Variants in TRIM36 observed in about 807,000 individuals in gnomAD.
TRIM36 encodes E3 ubiquitin-protein ligase TRIM36.
A neutral mutation model predicts 72.4 loss-of-function variants in TRIM36; 42 were observed. That is an observed-to-expected ratio of 0.58 (90% CI 0.45 to 0.75). The LOEUF is 0.75. TRIM36 is among the 30% of genes least tolerant of loss of function. The pLI is 0.00. For missense variants in TRIM36, 913 were observed against 857.1 expected (o/e 1.07, Z -0.81); for synonymous variants, 315 against 282.8 (o/e 1.11, Z -1.14).
intron 2 of TRIM36, among the ~76,000 whole-genome samples, chr5:115,152,720 T>TA (rs200296229): frequency 9.4e-4 from 142 of 151,286 alleles, no homozygotes; most frequent in African/African-American, 3.3e-3. Flanking sequence ...TTCAGCCTCC[T>TA]AAAAAAAAAT....
Position 115,137,384 on chromosome 5 carries a change from G to A in TRIM36, c.1064C>T (p.Thr355Ile), listed in dbSNP as rs1304495487. ...ATACCTGAGGTGGAGCTGCTTTGCT[G>A]TCTGCACAAAGCAAGACTGATCTGT... ...KETDQSCFVQ[T>I]AKQLHLRIQK... Residue 355 changes from threonine (T) to isoleucine (I), a missense_variant, in exon 6 of 10, where the codon ACA becomes ATA. Transcript: ENST00000513154. 6.8e-6 allele frequency: 11 copies of A among 1,611,218 alleles called. No homozygotes were observed. The highest frequency in any genetic ancestry group is 9.3e-6 in the Non-Finnish European group (11 of 1,179,280).
chr5:115,158,947 G>A (rs1014765573), intron 2 of TRIM36, among the ~76,000 whole-genome samples: 4 of 152,202 alleles, frequency 2.6e-5, no homozygotes, highest in African/African-American at 4.8e-5. Context: ...AATTTCAGGT[G>A]TTAAGTATTC....
At chr5:115,134,602 A>G (rs755212078) in intron 7 of TRIM36, among the ~76,000 whole-genome samples, 29 of 151,880 alleles carry the variant, frequency 1.9e-4, no homozygotes, top group Admixed American at 2.6e-4. Context: ...GTGCACTGGC[A>G]TGATCTCAGC....
At position 115,134,026 on chromosome 5, in the gene TRIM36, A is replaced by G; in HGVS notation, c.1332T>C (p.Asn444=). 6.2e-7 allele frequency: 1 copy of G among 1,613,844 alleles called. No homozygotes were observed. Among genetic ancestry groups the G allele is most frequent in the South Asian group, 1.1e-5 (1 of 91,052 alleles). The change falls in exon 8 of 10, where the codon AAT becomes AAC. Residue 444 remains asparagine (N), a synonymous_variant. Coordinates refer to ENST00000513154, the MANE Select transcript of TRIM36 (RefSeq NM_001300759.2). The part of the protein sequence containing the change: ...DSYVLEYRKI[N]RDDEMSWNEI... Reference sequence around the variant, plus strand: ...CATTCCATGACATTTCATCATCTCTATTGATTTTCCGATATTCAAGAACAT... The same window carrying G: ...CATTCCATGACATTTCATCATCTCTGTTGATTTTCCGATATTCAAGAACAT...
upstream of TRIM36, among the ~76,000 whole-genome samples, chr5:115,174,887 T>C (rs572607601): frequency 1.3e-5 from 2 of 152,316 alleles, no homozygotes; most frequent in Admixed American, 1.3e-4. Context: ...CCAGTGCTGC[T>C]CTCACGGACA....
chr5:115,166,740 C>A (rs1000132458), intron 1 of TRIM36, among the ~76,000 whole-genome samples: 1 of 152,228 alleles, frequency 6.6e-6, no homozygotes. Flanking sequence ...GGAGCCTGGA[C>A]TTAGGAGCTC....
rs997877790 is a variant in TRIM36, at chr5:115,147,412, C to T, written c.263-18G>A. 6.2e-7 allele frequency: 1 copy of T among 1,602,518 alleles called. No homozygotes were observed. The highest frequency in any genetic ancestry group is 8.5e-7 in the Non-Finnish European group (1 of 1,171,264). ...CTTCCAGCCTGTGTAATTAGTAAGT[C>T]TTTGTTTAGTTATAGCAGTAGGAAA... On this transcript the variant is annotated intron_variant, in intron 2 of 9. Coordinates refer to ENST00000513154, the MANE Select transcript of TRIM36 (RefSeq NM_001300759.2).
chr5:115,178,965 G>A (rs1349672986), intron 1 of TRIM36, among the ~76,000 whole-genome samples: 2 of 152,156 alleles, frequency 1.3e-5, no homozygotes, highest in African/African-American at 4.8e-5. Flanking sequence ...GTGTGGGACT[G>A]CAGGGTTTCA....
At chr5:115,152,102 G>A (rs534156582) in intron 2 of TRIM36, among the ~76,000 whole-genome samples, 1 of 152,262 alleles carries the variant, frequency 6.6e-6, no homozygotes, top group African/African-American at 2.4e-5. Context: ...AAAGACCGAT[G>A]TAAGGCAATC....
In TRIM36 at chr5:115,130,902, T is replaced by C; in HGVS notation, c.1499-13A>G. On this transcript the variant is annotated splice_polypyrimidine_tract_variant and intron_variant, in intron 8 of 9. Coordinates refer to ENST00000513154, the MANE Select transcript of TRIM36 (RefSeq NM_001300759.2). Reference sequence around the variant, plus strand: ...AGGAAGCTGAAAACTAAATGGAGCTTAAAATTAATATCAGGCTAAAAATTA... The same window carrying C: ...AGGAAGCTGAAAACTAAATGGAGCTCAAAATTAATATCAGGCTAAAAATTA... 6.3e-7 allele frequency: 1 copy of C among 1,594,796 alleles called. No homozygotes were observed. Among genetic ancestry groups the C allele is most frequent in the Non-Finnish European group, 8.5e-7 (1 of 1,169,964 alleles).
intron 2 of TRIM36, among the ~76,000 whole-genome samples, chr5:115,159,317 T>G (rs1012343084): frequency 2.6e-5 from 4 of 152,234 alleles, no homozygotes; most frequent in African/African-American, 7.2e-5. Flanking sequence ...ATATCAAGCT[T>G]TGTTCACTAA....
intron 5 of TRIM36, 86 bp from the exon 6 acceptor site, chr5:115,137,702 C>T (rs1210764852): frequency 3.6e-6 from 5 of 1,381,330 alleles, no homozygotes; most frequent in Non-Finnish European, 4.8e-6. Flanking sequence ...CCACAAAGTT[C>T]TACATAATTA....
chr5:115,135,524 T>C (rs75115281), intron 7 of TRIM36, among the ~76,000 whole-genome samples: 9,053 of 151,468 alleles, frequency 0.06, 346 homozygotes, highest in African/African-American at 0.097. Context: ...GGAAGATCCA[T>C]CAGCCAGAAG....
intron 2 of TRIM36, among the ~76,000 whole-genome samples, chr5:115,160,773 G>A (rs1337841976): frequency 3.3e-5 from 5 of 152,166 alleles, no homozygotes; most frequent in Non-Finnish European, 7.4e-5. Flanking sequence ...TTGAGCCTCA[G>A]AGTTAGAGGT....
rs747705280 is a variant in TRIM36, at chr5:115,147,424, A to G, written c.263-30T>C. 1.3e-6 allele frequency: 2 copies of G among 1,587,844 alleles called. 1 individual carries two copies. The highest frequency in any genetic ancestry group is 2.3e-5 in the South Asian group (2 of 88,294). ...GTAATTAGTAAGTCTTTGTTTAGTTATAGCAGTAGGAAAATGATTAGAATG... is the reference window on the plus strand; with the variant it reads ...GTAATTAGTAAGTCTTTGTTTAGTTGTAGCAGTAGGAAAATGATTAGAATG... On this transcript the variant is annotated intron_variant, in intron 2 of 9. Coordinates refer to ENST00000513154, the MANE Select transcript of TRIM36 (RefSeq NM_001300759.2).
intron 1 of TRIM36, among the ~76,000 whole-genome samples, chr5:115,175,678 A>G (rs904363172): frequency 7.3e-6 from 1 of 137,142 alleles, no homozygotes; most frequent in African/African-American, 2.8e-5. Context: ...TTAGCGCAAT[A>G]TAGTAAAAAA....
intron 3 of TRIM36, among the ~76,000 whole-genome samples, chr5:115,145,064 C>T (rs1207480753): frequency 1.3e-5 from 2 of 152,068 alleles, no homozygotes; most frequent in Non-Finnish European, 2.9e-5. Context: ...CTATCAGATT[C>T]AAATGGAATG....
rs1238201784 is a variant in TRIM36 at position 115,125,204 on chromosome 5, A to G, written c.*1299T>C. The G allele has an allele frequency of 6.6e-6, 1 of 152,154 alleles. No individual in the cohort carries two copies. Among genetic ancestry groups the G allele is most frequent in the African/African-American group, 2.4e-5 (1 of 41,470 alleles). The allele number at this position is 152,154 out of a possible 1,614,324, so 9.4% of individuals were successfully genotyped here. On this transcript the variant is annotated 3_prime_UTR_variant, in exon 10 of 10. Transcript: ENST00000513154. ...TAAAACATGTCAAAAGCATTCCATA[A>G]ATGATTACTGCTACAATGCATAAAA...
Position 115,163,500 on chromosome 5 carries a change from C to A in TRIM36, c.262+18G>T, listed in dbSNP as rs755339301. Reference sequence around the variant, plus strand: ...GCTTACCCCCACTACCATCCCAGCCCACAGTTCTAACACATACCTGGTCTG... The same window carrying A: ...GCTTACCCCCACTACCATCCCAGCCAACAGTTCTAACACATACCTGGTCTG... On this transcript the variant is annotated intron_variant, in intron 2 of 9. Transcript: ENST00000513154. 1.4e-5 allele frequency: 22 copies of A among 1,607,402 alleles called. No homozygotes were observed. The highest frequency in any genetic ancestry group is 1.9e-5 in the Non-Finnish European group (22 of 1,174,066).
Sources: allele counts gnomAD v4.1 joint callset (sites outside exome capture counted in the v4.1 genomes callset), GRCh38; gene constraint gnomAD v4.1.1; transcripts MANE v1.5; gene names NCBI Gene and HGNC (gene_info 2026-07-23, HGNC 2026-07-21).